TACR1: variants seen among roughly 807,000 people sequenced by gnomAD.
The protein encoded by TACR1 is substance-P receptor.
In TACR1, 25 loss-of-function variants were observed where a neutral mutation model predicts 35.8. The ratio of observed to expected loss-of-function variants is 0.70; its 90% CI spans 0.51 to 0.98. The LOEUF (loss-of-function observed/expected upper bound fraction) is 0.98, where lower values mean the gene tolerates loss of function less well. Ranked by LOEUF, TACR1 falls within the 50% of genes least tolerant of loss-of-function variation. The pLI is 0.00. For missense variants in TACR1, 478 were observed against 522.9 expected (o/e 0.91, Z 0.84); for synonymous variants, 195 against 206.7 (o/e 0.94, Z 0.48).
chr2:75,052,455 G>GTAAC (rs1472459292), intron 3 of TACR1, among the ~76,000 whole-genome samples: 2 of 152,048 alleles, frequency 1.3e-5, no homozygotes, highest in Non-Finnish European at 2.9e-5. Flanking sequence ...ACCATGCGAT[G>GTAAC]TAACCCCTTC....
intron 2 of TACR1, among the ~76,000 whole-genome samples, chr2:75,071,207 G>A (rs1462773096): frequency 1.3e-5 from 2 of 152,170 alleles, no homozygotes; most frequent in African/African-American, 4.8e-5. Flanking sequence ...CCTGCTGTAA[G>A]GGAAAAATCT....
intron 1 of TACR1, among the ~76,000 whole-genome samples, chr2:75,159,028 T>G (rs1406836437): frequency 6.9e-6 from 1 of 145,086 alleles, no homozygotes; most frequent in African/African-American, 2.5e-5. Context: ...CACTACCTGG[T>G]AAAATAATTT....
At chr2:75,147,746 C>CTTTT (rs36067244) in intron 1 of TACR1, among the ~76,000 whole-genome samples, 2 of 145,052 alleles carry the variant, frequency 1.4e-5, no homozygotes, top group Non-Finnish European at 3.0e-5. Flanking sequence ...GATCTCATTC[C>CTTTT]TTTTTTTTTT....
chr2:75,154,409 C>CGCGCGCGCGT (rs1491305556), intron 1 of TACR1: 1 of 97,106 alleles, frequency 1.0e-5, no homozygotes, highest in African/African-American at 3.5e-5. Flanking sequence ...AGAGCGCGCA[C>CGCGCGCGCGT]GCACACACAC....
At chr2:75,161,753 C>T (rs1002010014) in intron 1 of TACR1, among the ~76,000 whole-genome samples, 1 of 151,770 alleles carries the variant, frequency 6.6e-6, no homozygotes. Flanking sequence ...TTTTATGAAA[C>T]GAAAATGACT....
chr2:75,151,724 C>T (rs566681805), intron 1 of TACR1, among the ~76,000 whole-genome samples: 2 of 152,276 alleles, frequency 1.3e-5, no homozygotes, highest in East Asian at 1.9e-4. Flanking sequence ...GGCCACCATC[C>T]TCCAGACCCC....
Position 75,198,679 on chromosome 2 carries a change from T to C in TACR1, c.256A>G (p.Thr86Ala), listed in dbSNP as rs755746629. 1.2e-6 allele frequency: 2 copies of C among 1,614,192 alleles called. No individual in the cohort carries two copies. The highest frequency in any genetic ancestry group is 1.1e-5 in the South Asian group (1 of 91,076). ...ACAGCATAGGTGAAGTTCACCACTG[T>C]ATTGAATGCAGCCATGGAGGCCTCC... Reference protein sequence around the residue: ...FAEASMAAFNTVVNFTYAVHN... With the variant: ...FAEASMAAFNAVVNFTYAVHN... The change falls in exon 1 of 5, where the codon ACA becomes GCA. Residue 86 changes from threonine (T) to alanine (A), a missense_variant. Transcript: ENST00000305249.
At chr2:75,169,194 A>G (rs772918915) in intron 1 of TACR1, among the ~76,000 whole-genome samples, 6 of 152,186 alleles carry the variant, frequency 3.9e-5, no homozygotes, top group Non-Finnish European at 1.5e-5. Context: ...ATTTAATTAC[A>G]TATAACAACT....
intron 2 of TACR1, among the ~76,000 whole-genome samples, chr2:75,058,917 G>A (rs896484892): frequency 6.6e-6 from 1 of 152,194 alleles, no homozygotes; most frequent in Non-Finnish European, 1.5e-5. Context: ...AAGGTTGATA[G>A]GCTAATTAAA....
At chr2:75,159,933 G>A (rs941300613) in intron 1 of TACR1, among the ~76,000 whole-genome samples, 10 of 152,138 alleles carry the variant, frequency 6.6e-5, no homozygotes, top group African/African-American at 2.4e-4. Flanking sequence ...AAAGAATTGG[G>A]AAGAAGGTCT....
At chr2:75,151,607 G>A (rs1463906071) in intron 1 of TACR1, among the ~76,000 whole-genome samples, 2 of 152,216 alleles carry the variant, frequency 1.3e-5, no homozygotes, top group Non-Finnish European at 2.9e-5. Context: ...CAGGGGTGGG[G>A]CCCTCATGGA....
intron 2 of TACR1, among the ~76,000 whole-genome samples, chr2:75,095,325 C>A (rs1673401063): frequency 6.6e-6 from 1 of 152,124 alleles, no homozygotes; most frequent in Non-Finnish European, 1.5e-5. Flanking sequence ...ATATTTTGGT[C>A]AGCCTTCAGG....
At chr2:75,092,468 C>G (rs2103855923) in intron 2 of TACR1, among the ~76,000 whole-genome samples, 1 of 152,136 alleles carries the variant, frequency 6.6e-6, no homozygotes, top group East Asian at 1.9e-4. Context: ...TCATTTTCAT[C>G]AACAAAAACT....
At chr2:75,065,239 C>G (rs902785288) in intron 2 of TACR1, among the ~76,000 whole-genome samples, 5 of 152,238 alleles carry the variant, frequency 3.3e-5, no homozygotes, top group African/African-American at 1.2e-4. Context: ...ACACACCACA[C>G]AGTGCCCACC....
intron 1 of TACR1, among the ~76,000 whole-genome samples, chr2:75,175,945 G>A (rs193177187): frequency 1.5e-5 from 2 of 134,828 alleles, no homozygotes; most frequent in Admixed American, 1.7e-4. Context: ...TTTTATTGCC[G>A]ATAATTAATC....
intron 1 of TACR1, among the ~76,000 whole-genome samples, chr2:75,133,245 G>A (rs950142258): frequency 5.3e-5 from 8 of 152,152 alleles, no homozygotes; most frequent in African/African-American, 9.7e-5. Flanking sequence ...TTTTTTGTGC[G>A]TGGTATCTTA....
At chr2:75,125,361 T>C (rs1184339813) in intron 1 of TACR1, among the ~76,000 whole-genome samples, 3 of 152,028 alleles carry the variant, frequency 2.0e-5, no homozygotes, top group Admixed American at 2.0e-4. Flanking sequence ...TTTTTTTGCA[T>C]TTTTAGTAGA....
intron 1 of TACR1, among the ~76,000 whole-genome samples, chr2:75,143,300 G>T (rs916688988): frequency 1.1e-4 from 16 of 152,084 alleles, no homozygotes; most frequent in Non-Finnish European, 2.2e-4. Context: ...AAACATTTTT[G>T]ACCATGTTTT....
intron 1 of TACR1, among the ~76,000 whole-genome samples, chr2:75,146,066 G>C (rs1286813169): frequency 6.6e-6 from 1 of 152,132 alleles, no homozygotes; most frequent in Non-Finnish European, 1.5e-5. Flanking sequence ...TAAAGGAGGG[G>C]TGGTATAAGA....
Sources: gnomAD v4.1 joint callset for allele counts (sites outside exome capture counted in the v4.1 genomes callset) on GRCh38, gnomAD v4.1.1 for gene constraint, MANE v1.5 for transcripts, NCBI Gene and HGNC (gene_info 2026-07-23, HGNC 2026-07-21) for gene names.